Variants in ENTPD1 observed in about 807,000 individuals in gnomAD.
The protein encoded by ENTPD1 is ATP diphosphohydrolase.
A neutral mutation model predicts 57.0 loss-of-function variants in ENTPD1; 33 were observed. The ratio of observed to expected loss-of-function variants is 0.58; its 90% CI spans 0.44 to 0.77. The LOEUF is 0.77. Ranked by LOEUF, ENTPD1 falls within the 30% of genes least tolerant of loss-of-function variation. The pLI is 0.00. For synonymous variants in ENTPD1, 202 were observed against 218.8 expected, an observed-to-expected ratio of 0.92 and a Z score of 0.68; for missense variants, 501 against 603.4, an observed-to-expected ratio of 0.83 and a Z score of 1.78.
intron 1 of ENTPD1, among the ~76,000 whole-genome samples, chr10:95,822,565 G>A (rs1251024590): frequency 1.3e-5 from 2 of 152,248 alleles, no homozygotes; most frequent in Non-Finnish European, 2.9e-5. Context: ...AAAGTGCTGG[G>A]ACTACAGGTG....
chr10:95,842,393 C>T lies in ENTPD1; in HGVS notation c.312C>T (p.Tyr104=), dbSNP rs1470277172. 2 of 1,613,994 alleles carry T rather than the reference C, an allele frequency of 1.2e-6. No homozygotes were observed. The change falls in exon 4 of 10, where the codon TAC becomes TAT. Residue 104 remains tyrosine (Y), a synonymous_variant. Transcript: ENST00000371205. ...AGAAAGTAAATGAAATAGGCATTTA[C>T]CTGACTGATTGCATGGAAAGAGCTA... ...FVQKVNEIGI[Y]LTDCMERARE...
intron 2 of ENTPD1, among the ~76,000 whole-genome samples, chr10:95,837,658 G>C (rs531279653): frequency 6.6e-6 from 1 of 152,142 alleles, no homozygotes; most frequent in Non-Finnish European, 1.5e-5. Context: ...AGGTCTGCAC[G>C]GTGGTACTCC....
At chr10:95,861,218 C>A (rs554711472) in intron 8 of ENTPD1, 4 of 153,484 alleles carry the variant, frequency 2.6e-5, no homozygotes, top group African/African-American at 9.6e-5. Flanking sequence ...CTGACACAGA[C>A]ACAATTGTGG....
intron 1 of ENTPD1, among the ~76,000 whole-genome samples, chr10:95,771,553 A>C (rs937398735): frequency 5.9e-5 from 9 of 152,098 alleles, no homozygotes; most frequent in Non-Finnish European, 2.9e-5. Flanking sequence ...TTTTCTTCCT[A>C]CCATGCTTTC....
At chr10:95,704,862 ATATATATATATG>A in the ENTPD1 span, among the ~76,000 whole-genome samples, 1 of 31,014 alleles carries the variant, frequency 3.2e-5, no homozygotes, top group African/African-American at 6.9e-5. Flanking sequence ...GTAAAATATT[ATATATATATATG>A]TATATATATG....
At chr10:95,727,845 G>A (rs754125756) in intron 1 of ENTPD1, among the ~76,000 whole-genome samples, 4 of 152,168 alleles carry the variant, frequency 2.6e-5, no homozygotes, top group Non-Finnish European at 5.9e-5. Context: ...CTAGCAGTCT[G>A]ATGCCAAAAT....
At chr10:95,748,701 A>G (rs1210889949) in intron 1 of ENTPD1, among the ~76,000 whole-genome samples, 1 of 152,168 alleles carries the variant, frequency 6.6e-6, no homozygotes, top group Non-Finnish European at 1.5e-5. Context: ...GATTTTCTTT[A>G]AGTTTCTTTT....
At chr10:95,706,878 C>T (rs1439827226), upstream of ENTPD1, among the ~76,000 whole-genome samples, 6 of 152,162 alleles carry the variant, frequency 3.9e-5, no homozygotes, top group Non-Finnish European at 5.9e-5. Context: ...GTCTGCCTTC[C>T]GCCGCCATTC....
chr10:95,730,561 ACT>A (rs1317665409), intron 1 of ENTPD1, among the ~76,000 whole-genome samples: 300 of 151,944 alleles, frequency 2.0e-3, no homozygotes, highest in African/African-American at 6.5e-3. Flanking sequence ...TGGGGAAAAA[ACT>A]ATGACTTTAT....
At chr10:95,812,899 A>G (rs1294741004) in intron 1 of ENTPD1, among the ~76,000 whole-genome samples, 1 of 152,216 alleles carries the variant, frequency 6.6e-6, no homozygotes, top group African/African-American at 2.4e-5. Context: ...TACATTTAAT[A>G]TGTTGATAAC....
intron 1 of ENTPD1, among the ~76,000 whole-genome samples, chr10:95,784,657 A>G (rs533119727): frequency 6.6e-6 from 1 of 152,318 alleles, no homozygotes; most frequent in East Asian, 1.9e-4. Context: ...CAGTGCACCC[A>G]GAGCCTTTTG....
intron 7 of ENTPD1, 121 bp from the exon 8 acceptor site, chr10:95,860,348 T>C (rs1400032126): frequency 9.1e-6 from 7 of 766,326 alleles, no homozygotes; most frequent in Non-Finnish European, 1.5e-5. Flanking sequence ...AATATCACTT[T>C]GTGTGTTAAT....
chr10:95,694,773 C>T, the ENTPD1 span, among the ~76,000 whole-genome samples: 2 of 151,978 alleles, frequency 1.3e-5, no homozygotes, highest in Admixed American at 6.6e-5. Context: ...CACAGCAGCG[C>T]GGGCCATGGG....
upstream of ENTPD1, among the ~76,000 whole-genome samples, chr10:95,707,776 T>C (rs1458376063): frequency 1.3e-5 from 2 of 152,150 alleles, no homozygotes; most frequent in African/African-American, 2.4e-5. Context: ...AGCTAATTAT[T>C]GTATTTTTAA....
intron 1 of ENTPD1, among the ~76,000 whole-genome samples, chr10:95,777,911 A>G (rs866308620): frequency 6.6e-5 from 10 of 152,290 alleles, no homozygotes; most frequent in South Asian, 6.2e-4. Flanking sequence ...CTGCTGCACT[A>G]GAAGTGAGCA....
At chr10:95,834,140 C>T (rs1199142036) in intron 2 of ENTPD1, among the ~76,000 whole-genome samples, 1 of 152,154 alleles carries the variant, frequency 6.6e-6, no homozygotes, top group East Asian at 1.9e-4. Context: ...TAGGAACCAT[C>T]CAGTTCCAAC....
In ENTPD1 at chr10:95,788,024, A is replaced by G. The variant is rs76790876; in HGVS notation, c.16+31769A>G. ...AAGTAGAACATGTGAAGAATTCTTG[A>G]TTTTTCCTTGGAGATACCTTTGCAA... On this transcript the variant is annotated intron_variant, in intron 1 of 9. Coordinates refer to ENST00000371205, the MANE Select transcript of ENTPD1 (RefSeq NM_001776.6). Among the ~76,000 whole-genome samples the G allele has an allele frequency of 1.1e-3, 164 of 152,226 alleles. 2 individuals carry two copies. The East Asian group carries it at 0.029, about 27-fold the overall frequency.
At chr10:95,822,320 G>A (rs966646230) in intron 1 of ENTPD1, among the ~76,000 whole-genome samples, 1 of 149,304 alleles carries the variant, frequency 6.7e-6, no homozygotes, top group Non-Finnish European at 1.5e-5. Context: ...TTTTTGAGAT[G>A]GAGTCTTGTT....
intron 1 of ENTPD1, among the ~76,000 whole-genome samples, chr10:95,819,178 T>TA (rs1419154682): frequency 6.6e-6 from 1 of 152,158 alleles, no homozygotes; most frequent in African/African-American, 2.4e-5. Context: ...GTTTGTTTGT[T>TA]TTGGAGACAG....
Sources: allele counts gnomAD v4.1 joint callset (sites outside exome capture counted in the v4.1 genomes callset), GRCh38; gene constraint gnomAD v4.1.1; transcripts MANE v1.5; gene names NCBI Gene and HGNC (gene_info 2026-07-23, HGNC 2026-07-21).